Variants in TNS3 observed in about 807,000 individuals in gnomAD.
TNS3 encodes the protein tensin 3.
Under a neutral mutation model 140.9 loss-of-function variants are expected in TNS3, and 45 were observed. That is an observed-to-expected ratio of 0.32 (90% CI 0.25 to 0.41). The LOEUF (loss-of-function observed/expected upper bound fraction) is 0.41. Ranked by LOEUF, TNS3 falls within the 10% of genes least tolerant of loss-of-function variation. TNS3 has a pLI of 1.00. For synonymous variants in TNS3, 815 were observed against 788.4 expected, an observed-to-expected ratio of 1.03 and a Z score of -0.56; for missense variants, 1,716 against 1,906.7, an observed-to-expected ratio of 0.90 and a Z score of 1.86.
At chr7:47,404,514 C>T (rs1055667571) in intron 13 of TNS3, among the ~76,000 whole-genome samples, 1 of 152,168 alleles carries the variant, frequency 6.6e-6, no homozygotes, top group Non-Finnish European at 1.5e-5. Flanking sequence ...GGCCTGTAAG[C>T]ACTCTTGCTT....
At chr7:47,423,772 G>A (rs753544315) in intron 10 of TNS3, among the ~76,000 whole-genome samples, 3 of 152,190 alleles carry the variant, frequency 2.0e-5, no homozygotes, top group Non-Finnish European at 2.9e-5. Context: ...CCCTGGTCTA[G>A]CCAATAGAAC....
chr7:47,279,577 C>T (rs1186504824), intron 30 of TNS3: 1 of 156,062 alleles, frequency 6.4e-6, no homozygotes, highest in Admixed American at 6.3e-5. Context: ...TGGCGGACGC[C>T]TGTAATCCCA....
intron 2 of TNS3, among the ~76,000 whole-genome samples, chr7:47,512,067 G>T (rs549987122): frequency 2.0e-5 from 3 of 152,350 alleles, no homozygotes; most frequent in Admixed American, 2.0e-4. Flanking sequence ...GCACAGAGCG[G>T]AAGCTGCCTG....
intron 4 of TNS3, among the ~76,000 whole-genome samples, chr7:47,458,754 T>TAGAC (rs1181432902): frequency 6.6e-6 from 1 of 152,172 alleles, no homozygotes; most frequent in African/African-American, 2.4e-5. Flanking sequence ...GGAGCCTGTG[T>TAGAC]AGACCCCTGT....
At chr7:47,291,106 T>C (rs1052497541) in intron 27 of TNS3, among the ~76,000 whole-genome samples, 2 of 152,178 alleles carry the variant, frequency 1.3e-5, no homozygotes, top group Non-Finnish European at 2.9e-5. Context: ...TGGTTTCAAC[T>C]ATATGACAAT....
intron 1 of TNS3, among the ~76,000 whole-genome samples, chr7:47,576,193 G>A (rs1239020600): frequency 6.6e-6 from 1 of 152,222 alleles, no homozygotes; most frequent in Admixed American, 6.5e-5. Flanking sequence ...GAATGAGGAA[G>A]TGGTTCTCCA....
intron 1 of TNS3, among the ~76,000 whole-genome samples, chr7:47,547,181 G>A (rs1038480089): frequency 2.6e-5 from 4 of 152,208 alleles, no homozygotes; most frequent in Admixed American, 1.3e-4. Flanking sequence ...AGTGTGTGTC[G>A]GGCTCCAGTG....
At chr7:47,310,081 G>A (rs1483487842) in intron 20 of TNS3, among the ~76,000 whole-genome samples, 1 of 152,164 alleles carries the variant, frequency 6.6e-6, no homozygotes, top group East Asian at 1.9e-4. Flanking sequence ...GTTCTGGGGA[G>A]ACCAAGTTTG....
intron 6 of TNS3, among the ~76,000 whole-genome samples, chr7:47,438,164 C>T (rs1320704774): frequency 6.6e-6 from 1 of 152,222 alleles, no homozygotes; most frequent in Non-Finnish European, 1.5e-5. Context: ...GGGGCTTGTC[C>T]TGGTCACCCA....
At chr7:47,295,529 G>C (rs748724507) in intron 24 of TNS3, among the ~76,000 whole-genome samples, 5 of 152,132 alleles carry the variant, frequency 3.3e-5, no homozygotes, top group African/African-American at 2.4e-5. Flanking sequence ...AAATAGCATC[G>C]TGTTGGGCTT....
At chr7:47,385,433 C>T (rs560058212) in intron 16 of TNS3, among the ~76,000 whole-genome samples, 2 of 152,188 alleles carry the variant, frequency 1.3e-5, no homozygotes, top group Non-Finnish European at 2.9e-5. Context: ...GGCCTCTGCA[C>T]GGAGCTGTGC....
At chr7:47,582,408 C>T (rs1043123380), upstream of TNS3, 1 of 456,438 alleles carries the variant, frequency 2.2e-6, no homozygotes, top group Non-Finnish European at 4.4e-6. Context: ...CAGGTTCCGC[C>T]GGGCCGGTGT....
chr7:47,334,602 ACT>A (rs1788522495), intron 20 of TNS3, among the ~76,000 whole-genome samples: 2 of 111,078 alleles, frequency 1.8e-5, no homozygotes, highest in African/African-American at 6.8e-5. Flanking sequence ...CAGAACCACG[ACT>A]CTTTTTTTTT....
chr7:47,553,926 TC>T (rs1800126068), intron 1 of TNS3, among the ~76,000 whole-genome samples: 2 of 151,908 alleles, frequency 1.3e-5, no homozygotes, highest in South Asian at 4.2e-4. Flanking sequence ...TGCCTCAGCC[TC>T]CCGAGTAGCT....
chr7:47,565,915 G>A (rs766642315), intron 1 of TNS3, among the ~76,000 whole-genome samples: 1 of 152,162 alleles, frequency 6.6e-6, no homozygotes, highest in Non-Finnish European at 1.5e-5. Context: ...GGGAGGCTTT[G>A]GAAGAGCAAC....
At chr7:47,474,471 C>T (rs1797092338) in intron 4 of TNS3, among the ~76,000 whole-genome samples, 2 of 151,026 alleles carry the variant, frequency 1.3e-5, no homozygotes. Context: ...ACACACACAA[C>T]ACCTCACACA....
chr7:47,498,820 C>T (rs951046806), intron 3 of TNS3, among the ~76,000 whole-genome samples: 2 of 152,208 alleles, frequency 1.3e-5, no homozygotes, highest in Non-Finnish European at 2.9e-5. Context: ...TGTAAAGTGG[C>T]GAACTCAGTG....
chr7:47,314,020 G>A (rs1484590458), intron 20 of TNS3, among the ~76,000 whole-genome samples: 2 of 152,232 alleles, frequency 1.3e-5, no homozygotes, highest in African/African-American at 2.4e-5. Flanking sequence ...AGCACAGGGA[G>A]ACTTGGGCTT....
chr7:47,455,424 C>G (rs371138164), intron 4 of TNS3, among the ~76,000 whole-genome samples: 3 of 152,108 alleles, frequency 2.0e-5, no homozygotes, highest in East Asian at 3.9e-4. Context: ...GACAGAGCAG[C>G]CTTAACCTGG....
Sources: gnomAD v4.1 joint callset for allele counts (sites outside exome capture counted in the v4.1 genomes callset) on GRCh38, gnomAD v4.1.1 for gene constraint, MANE v1.5 for transcripts, NCBI Gene and HGNC (gene_info 2026-07-23, HGNC 2026-07-21) for gene names.